Variants in DOCK4 observed in about 807,000 individuals in gnomAD.
DOCK4 encodes dedicator of cytokinesis protein 4.
DOCK4 carries 97 observed loss-of-function variants against 268.1 expected under a neutral mutation model. That is an observed-to-expected ratio of 0.36 (90% CI 0.31 to 0.43). DOCK4 has a LOEUF of 0.43. Among genes scored for constraint, DOCK4 ranks in the 20% least tolerant of loss-of-function variants. The pLI, the probability that DOCK4 is intolerant of heterozygous loss-of-function variation, is 1.00. For synonymous variants in DOCK4, 954 were observed against 887.2 expected (o/e 1.08, Z -1.34); for missense variants, 2,145 against 2,455.7 (o/e 0.87, Z 2.67).
chr7:112,160,408 A>G (rs1050520896), intron 1 of DOCK4, among the ~76,000 whole-genome samples: 2 of 152,248 alleles, frequency 1.3e-5, no homozygotes, highest in African/African-American at 4.8e-5. Flanking sequence ...AAAATGCCAC[A>G]GGAATCCAAA....
chr7:112,097,741 A>G (rs1404201650), intron 1 of DOCK4, among the ~76,000 whole-genome samples: 1 of 152,242 alleles, frequency 6.6e-6, no homozygotes, highest in Non-Finnish European at 1.5e-5. Flanking sequence ...TCCTGGGCCT[A>G]TGAAAATAGC....
rs891877053 is a variant in DOCK4, at chr7:111,791,099, T to A, written c.3167-494A>T. Among the ~76,000 whole-genome samples the A allele has an allele frequency of 6.3e-3, 861 of 137,444 alleles. 7 individuals carry two copies. The highest frequency in any genetic ancestry group is 0.011 in the Non-Finnish European group (708 of 64,844). 90.2% of individuals were successfully genotyped at this position (137,444 alleles called of 152,430 possible). ...ATATATATATATATATATATATATA[T>A]AAAATAAATCATCAGGAATTGGTTA... On this transcript the variant is annotated intron_variant, in intron 30 of 52. Transcript: ENST00000428084.
chr7:111,892,049 T>C (rs1000888382), intron 16 of DOCK4, among the ~76,000 whole-genome samples: 3 of 152,214 alleles, frequency 2.0e-5, no homozygotes, highest in African/African-American at 7.2e-5. Context: ...ATGACTGTTT[T>C]ATCAATAAAT....
rs1586584117 is a variant in DOCK4 at position 111,989,297 on chromosome 7, C to A, written c.316-134G>T. On this transcript the variant is annotated intron_variant, in intron 5 of 52. Coordinates refer to ENST00000428084, the MANE Select transcript of DOCK4 (RefSeq NM_001363540.2). ...GCCACTCTGGACAGATGTCCGTGAA[C>A]AGACAAACTGTTCGCTCACTATCCT... 1.4e-5 allele frequency: 17 copies of A among 1,193,808 alleles called. No individual in the cohort carries two copies. In the East Asian group the frequency reaches 3.2e-4, roughly 22 times the overall value. The allele number at this position is 1,193,808 out of a possible 1,614,324, so 74.0% of individuals were successfully genotyped here. A position where few individuals can be genotyped will look rare whatever the true frequency, so the allele number is the denominator to read the frequency against.
chr7:112,127,091 C>T (rs1813292275), intron 1 of DOCK4, among the ~76,000 whole-genome samples: 1 of 150,944 alleles, frequency 6.6e-6, no homozygotes, highest in African/African-American at 2.4e-5. Flanking sequence ...AATCATGCTG[C>T]TATAAAGACA....
At chr7:112,077,400 T>C (rs59620814) in intron 1 of DOCK4, among the ~76,000 whole-genome samples, 242 of 152,248 alleles carry the variant, frequency 1.6e-3, no homozygotes, top group African/African-American at 5.4e-3. Context: ...TTAGAACATT[T>C]TTCATTTTAT....
At chr7:111,733,300 C>T (rs1369895026) in intron 51 of DOCK4, among the ~76,000 whole-genome samples, 1 of 152,202 alleles carries the variant, frequency 6.6e-6, no homozygotes, top group Non-Finnish European at 1.5e-5. Flanking sequence ...GGGATGGCAG[C>T]CCTGCCAGTT....
At chr7:111,737,272 G>A (rs1795569789) in intron 49 of DOCK4, among the ~76,000 whole-genome samples, 1 of 152,104 alleles carries the variant, frequency 6.6e-6, no homozygotes, top group South Asian at 2.1e-4. Context: ...GTAAATAGCA[G>A]TTGTGCTATG....
intron 27 of DOCK4, among the ~76,000 whole-genome samples, chr7:111,818,526 G>C (rs1033627578): frequency 6.6e-6 from 1 of 152,254 alleles, no homozygotes; most frequent in Admixed American, 6.5e-5. Flanking sequence ...TCACTTGCAA[G>C]TCTTATCATC....
At chr7:111,868,692 A>T (rs1219400524) in intron 21 of DOCK4, among the ~76,000 whole-genome samples, 1 of 150,914 alleles carries the variant, frequency 6.6e-6, no homozygotes, top group Admixed American at 6.6e-5. Context: ...CCTGGCCAAC[A>T]AGAGCAAAAT....
At chr7:112,072,501 A>C (rs1410936985) in intron 1 of DOCK4, among the ~76,000 whole-genome samples, 1 of 152,160 alleles carries the variant, frequency 6.6e-6, no homozygotes, top group Non-Finnish European at 1.5e-5. Context: ...ACTAGCAAAA[A>C]CAGTACAGAG....
intron 1 of DOCK4, among the ~76,000 whole-genome samples, chr7:112,116,413 T>A (rs1256951270): frequency 6.6e-6 from 1 of 152,224 alleles, no homozygotes; most frequent in Non-Finnish European, 1.5e-5. Flanking sequence ...CATCCCTTGA[T>A]GGACACTTGA....
chr7:111,778,673 G>A (rs1310726936), intron 35 of DOCK4, among the ~76,000 whole-genome samples: 3 of 152,096 alleles, frequency 2.0e-5, no homozygotes, highest in African/African-American at 4.8e-5. Flanking sequence ...TTAAAAATAC[G>A]TAACAGATTA....
At chr7:111,960,241 G>A (rs941895730) in intron 8 of DOCK4, among the ~76,000 whole-genome samples, 5 of 151,262 alleles carry the variant, frequency 3.3e-5, no homozygotes, top group East Asian at 1.9e-4. Context: ...GGCATATGCC[G>A]GTAGTCCCAG....
intron 1 of DOCK4, among the ~76,000 whole-genome samples, chr7:112,111,718 G>T (rs1811667208): frequency 6.6e-6 from 1 of 152,176 alleles, no homozygotes; most frequent in Non-Finnish European, 1.5e-5. Context: ...TAATATAAGG[G>T]CCAGGGGCGA....
chr7:111,901,801 C>T lies in DOCK4; in HGVS notation c.1193G>A (p.Gly398Asp). Residue 398 changes from glycine (G) to aspartate (D), a missense_variant and splice_region_variant, in exon 14 of 53, where the codon GGT becomes GAT. Physicochemically the swap from Gly to Asp is moderately conservative, Grantham distance 94. Around this residue, in one of 2 missense-constraint regions of DOCK4, gnomAD observed 1,598 missense variants for 1,986.7 expected, o/e 0.80. Transcript: ENST00000428084. The stretch of plus-strand genomic sequence containing the variant: ...GATATATAAATCATTCCTCATTTCA[C>T]CTATAAGGAAAGGAAAATTAAAACC... ...KLGFSNIIMP[G>D]EMRNDLYITI... The T allele has an allele frequency of 6.4e-7, 1 of 1,559,368 alleles. No individual in the cohort carries two copies. The highest frequency in any genetic ancestry group is 8.8e-7 in the Non-Finnish European group (1 of 1,138,764).
At chr7:112,051,191 ATGGCACAATCT>A (rs1805317913) in intron 1 of DOCK4, among the ~76,000 whole-genome samples, 1 of 152,160 alleles carries the variant, frequency 6.6e-6, no homozygotes, top group Admixed American at 6.5e-5. Flanking sequence ...GGGAAATGGA[ATGGCACAATCT>A]TGGTGGCTAG....
At chr7:111,848,718 C>T (rs1486966424) in intron 23 of DOCK4, among the ~76,000 whole-genome samples, 1 of 152,114 alleles carries the variant, frequency 6.6e-6, no homozygotes, top group African/African-American at 2.4e-5. Flanking sequence ...GGGAAAACAC[C>T]TGAGTCTGGG....
chr7:111,823,945 C>T (rs1349923331), intron 26 of DOCK4, among the ~76,000 whole-genome samples: 3 of 152,130 alleles, frequency 2.0e-5, no homozygotes, highest in Admixed American at 6.5e-5. Flanking sequence ...TTTATATACG[C>T]TAACAACTTC....
Sources: allele counts gnomAD v4.1 joint callset (sites outside exome capture counted in the v4.1 genomes callset), GRCh38; gene constraint gnomAD v4.1.1; regional missense constraint gnomAD v4.1.1; transcripts MANE v1.5; gene names NCBI Gene and HGNC (gene_info 2026-07-23, HGNC 2026-07-21).